Variants in UBE2Q1 observed in about 807,000 individuals in gnomAD.
UBE2Q1 encodes ubiquitin-conjugating enzyme E2 Q1.
A neutral mutation model predicts 60.1 loss-of-function variants in UBE2Q1; 6 were observed. That is an observed-to-expected ratio of 0.10 (90% confidence interval 0.05 to 0.20). UBE2Q1 has a LOEUF of 0.20. UBE2Q1 is among the 10% of genes least tolerant of loss of function. The pLI, the probability that UBE2Q1 is intolerant of heterozygous loss-of-function variation, is 1.00. For missense variants in UBE2Q1, 262 were observed against 525.8 expected (o/e 0.50, Z 4.91); for synonymous variants, 226 against 208.3 (o/e 1.09, Z -0.73).
At position 154,549,966 on chromosome 1, in the gene UBE2Q1, G is replaced by A. The variant is rs1695765682; in HGVS notation, c.*472C>T. The stretch of plus-strand genomic sequence containing the variant: ...GGGATGTGCGAATAAAAATAAAGAT[G>A]AGTCAAGACCAGCATCTTCAAATTA... On this transcript the variant is annotated 3_prime_UTR_variant, in exon 13 of 13. Transcript: ENST00000292211. The A allele has an allele frequency of 6.5e-6, 1 of 153,458 alleles. No homozygotes were observed. Among genetic ancestry groups the A allele is most frequent in the African/African-American group, 2.4e-5 (1 of 41,480 alleles). 9.5% of individuals were successfully genotyped at this position (153,458 alleles called of 1,614,324 possible).
intron 2 of UBE2Q1, 90 bp downstream of exon 2, chr1:154,555,770 C>T (rs879916133): frequency 1.6e-5 from 20 of 1,220,334 alleles, no homozygotes; most frequent in Middle Eastern, 1.9e-4. Flanking sequence ...AGCTGTGTAC[C>T]GTCCACTTTT....
chr1:154,551,703 G>T (rs1050125290), intron 10 of UBE2Q1, 68 bp downstream of exon 10: 16 of 1,595,748 alleles, frequency 1.0e-5, no homozygotes, highest in African/African-American at 1.3e-5. Context: ...GCCCGTAGGG[G>T]TGTGTGCTGT....
rs59938388 is a variant in UBE2Q1 at position 154,550,482 on chromosome 1, G to T, written c.1238-13C>A. ...GGTGTGTACCAGCCTGCAAAGAAAT[G>T]GAATGGTCAGTGAGGTGAAGGTTCA... On this transcript the variant is annotated splice_polypyrimidine_tract_variant and intron_variant, in intron 12 of 12. Transcript: ENST00000292211. 4 of 1,613,792 alleles carry T rather than the reference G, an allele frequency of 2.5e-6. No homozygotes were observed. The African/African-American group carries it at 5.3e-5, about 22-fold the overall frequency.
intron 3 of UBE2Q1, 74 bp from the exon 4 acceptor site, chr1:154,554,859 C>G: frequency 2.6e-6 from 4 of 1,528,988 alleles, no homozygotes; most frequent in Non-Finnish European, 3.6e-6. Flanking sequence ...ACCTACTCCC[C>G]TGAGCCCCCA....
Position 154,551,447 on chromosome 1 carries a change from T to C in UBE2Q1, c.1120A>G (p.Ser374Gly). Residue 374 changes from serine to glycine, a missense_variant, in exon 11 of 13, where the codon AGT becomes GGT. By Grantham distance (56) the Ser-to-Gly change is moderately conservative. Around this residue, in one of 5 missense-constraint regions of UBE2Q1, gnomAD observed 22 missense variants for 121.5 expected, o/e 0.18. Transcript: ENST00000292211. Reference protein sequence around the residue: ...YSIESVIMQISATLVKGKARV... With the variant: ...YSIESVIMQIGATLVKGKARV... Reference sequence around the variant, plus strand: ...GCTTTCCCCTTCACCAGTGTGGCACTGATCTGCATGATCACTGACTCTATG... The same window carrying C: ...GCTTTCCCCTTCACCAGTGTGGCACCGATCTGCATGATCACTGACTCTATG... 1 of 1,614,204 alleles carries C rather than the reference T, an allele frequency of 6.2e-7. No individual in the cohort carries two copies. The highest frequency in any genetic ancestry group is 8.5e-7 in the Non-Finnish European group (1 of 1,180,030).
At chr1:154,551,262 A>T in intron 11 of UBE2Q1, 135 bp downstream of exon 11, 1 of 976,352 alleles carries the variant, frequency 1.0e-6, no homozygotes, top group Non-Finnish European at 1.6e-6. Context: ...TGGGCACCCT[A>T]GGCCCTCTCA....
chr1:154,556,009 G>A (rs759459006), intron 1 of UBE2Q1, 45 bp from the exon 2 acceptor site: 1 of 1,573,006 alleles, frequency 6.4e-7, no homozygotes, highest in Non-Finnish European at 8.7e-7. Flanking sequence ...GGGTGACTCT[G>A]GGAAAAGCCA....
intron 1 of UBE2Q1, 27 bp downstream of exon 1, chr1:154,558,200 C>T (rs955656293): frequency 1.5e-5 from 23 of 1,500,218 alleles, no homozygotes; most frequent in Non-Finnish European, 2.0e-5. Flanking sequence ...GGGGCCCCCA[C>T]AGAGGCGCAC....
At chr1:154,552,377 C>T (rs765440474) in intron 7 of UBE2Q1, 27 bp downstream of exon 7, 2 of 1,613,564 alleles carry the variant, frequency 1.2e-6, no homozygotes, top group East Asian at 4.5e-5. Context: ...CCTCAACTTC[C>T]TCTCCAATCC....
At chr1:154,557,061 T>C (rs1268443626) in intron 1 of UBE2Q1, among the ~76,000 whole-genome samples, 1 of 152,082 alleles carries the variant, frequency 6.6e-6, no homozygotes, top group Non-Finnish European at 1.5e-5. Flanking sequence ...AGAAAGGAAA[T>C]GAAAAGAGAA....
rs41269917 is a variant in UBE2Q1, at chr1:154,555,990, A to T, written c.328-26T>A. ...CTGAAGGGAAAAGAGCAATAAGAGC[A>T]ATCAAAATGGGTGACTCTGGGAAAA... On this transcript the variant is annotated intron_variant, in intron 1 of 12. Coordinates refer to ENST00000292211, the MANE Select transcript of UBE2Q1 (RefSeq NM_017582.7). 7,080 of 1,603,418 alleles carry T rather than the reference A, an allele frequency of 4.4e-3. 31 individuals are homozygous for T. Among genetic ancestry groups the T allele is most frequent in the Non-Finnish European group, 5.7e-3 (6,655 of 1,170,810 alleles).
Position 154,550,180 on chromosome 1 carries a change from T to G in UBE2Q1, c.*258A>C. On this transcript the variant is annotated 3_prime_UTR_variant, in exon 13 of 13. Transcript: ENST00000292211. ...TAAGGAGGCTCGAAAGTTTCTTTTA[T>G]AAGAATGCCTGCTAGCAAGGGTTCC... 2.1e-6 allele frequency: 1 copy of G among 470,232 alleles called. No individual in the cohort carries two copies. The highest frequency in any genetic ancestry group is 3.4e-5 in the East Asian group (1 of 29,376). The allele number at this position is 470,232 out of a possible 1,614,324, so 29.1% of individuals were successfully genotyped here.
Position 154,554,802 on chromosome 1 carries a change from A to G in UBE2Q1, c.538-17T>C, listed in dbSNP as rs1695853925. On this transcript the variant is annotated splice_polypyrimidine_tract_variant and intron_variant, in intron 3 of 12. Coordinates refer to ENST00000292211, the MANE Select transcript of UBE2Q1 (RefSeq NM_017582.7). ...CTGTGTGCACTGCAGCAAGGAAGGG[A>G]AAGATGGAGATCAGAGCCCCAGTGG... 1 of 1,612,686 alleles carries G rather than the reference A, an allele frequency of 6.2e-7. No homozygotes were observed. Among genetic ancestry groups the G allele is most frequent in the Non-Finnish European group, 8.5e-7 (1 of 1,179,002 alleles).
Position 154,550,341 on chromosome 1 carries a change from G to T in UBE2Q1, c.*97C>A. 1 of 1,513,006 alleles carries T rather than the reference G, an allele frequency of 6.6e-7. No individual in the cohort carries two copies. The highest frequency in any genetic ancestry group is 9.1e-7 in the Non-Finnish European group (1 of 1,094,902). The allele number at this position is 1,513,006 out of a possible 1,614,324, so 93.7% of individuals were successfully genotyped here. ...AGCTATCACGTCCAGGAAAAATGAGGGAGGGAACCACAGAGGCAGCGTGAG... is the reference window on the plus strand; with the variant it reads ...AGCTATCACGTCCAGGAAAAATGAGTGAGGGAACCACAGAGGCAGCGTGAG... On this transcript the variant is annotated 3_prime_UTR_variant, in exon 13 of 13. Coordinates refer to ENST00000292211, the MANE Select transcript of UBE2Q1 (RefSeq NM_017582.7).
At chr1:154,556,990 C>G (rs983675487) in intron 1 of UBE2Q1, among the ~76,000 whole-genome samples, 2 of 152,146 alleles carry the variant, frequency 1.3e-5, no homozygotes, top group African/African-American at 2.4e-5. Context: ...CAAAGATGCC[C>G]AAGTCTTCAC....
intron 11 of UBE2Q1, 82 bp from the exon 12 acceptor site, chr1:154,551,086 G>T (rs9427082): frequency 0.15 from 234,299 of 1,530,032 alleles, 18,898 homozygotes; most frequent in Middle Eastern, 0.16. Context: ...GTCACCCAGA[G>T]ACCCCAGAGT....
Position 154,554,858 on chromosome 1 carries a change from CCT to C in UBE2Q1, c.538-75_538-74del, listed in dbSNP as rs1491153882. On this transcript the variant is annotated intron_variant, in intron 3 of 12. Coordinates refer to ENST00000292211, the MANE Select transcript of UBE2Q1 (RefSeq NM_017582.7). ...TAGAATGCAGCCTCCAACCTACTCC[CCT>C]GAGCCCCCAGGTCTGGAAGTTGTGC... 8.1e-5 allele frequency: 124 copies of C among 1,529,200 alleles called. 2 individuals carry two copies. The South Asian group carries it at 1.2e-3, about 15-fold the overall frequency. The allele number at this position is 1,529,200 out of a possible 1,614,324, so 94.7% of individuals were successfully genotyped here. A position where few individuals can be genotyped will look rare whatever the true frequency, so the allele number is the denominator to read the frequency against.
At chr1:154,555,054 TCTC>T in intron 3 of UBE2Q1, 1 of 529,774 alleles carries the variant, frequency 1.9e-6, no homozygotes. Flanking sequence ...CTAGTTTAAT[TCTC>T]CTAAGAACCC....
chr1:154,558,472 C>T lies in UBE2Q1; in HGVS notation c.82G>A (p.Gly28Arg), dbSNP rs1221282076. The T allele has an allele frequency of 1.1e-5, 15 of 1,305,552 alleles. No homozygotes were observed. The South Asian group carries it at 2.7e-4, about 24-fold the overall frequency. The allele number at this position is 1,305,552 out of a possible 1,614,324, so 80.9% of individuals were successfully genotyped here. ...LGGQGAAPGA[G>R]GGPGGGPGPG... ...CCCGGGCCCCCCCCTGGGCCGCCCCCGGCCCCCGGCGCCGCCCCCTGGCCC... is the reference window on the plus strand; with the variant it reads ...CCCGGGCCCCCCCCTGGGCCGCCCCTGGCCCCCGGCGCCGCCCCCTGGCCC... Residue 28 changes from glycine (G) to arginine (R), a missense_variant, in exon 1 of 13, where the codon GGG becomes AGG. Physicochemically the swap from Gly to Arg is moderately radical, Grantham distance 125. Coordinates refer to ENST00000292211, the MANE Select transcript of UBE2Q1 (RefSeq NM_017582.7).
Sources: gnomAD v4.1 joint callset for allele counts (sites outside exome capture counted in the v4.1 genomes callset) on GRCh38, gnomAD v4.1.1 for gene constraint, gnomAD v4.1.1 regional missense constraint, MANE v1.5 for transcripts, NCBI Gene and HGNC (gene_info 2026-07-23, HGNC 2026-07-21) for gene names.